Variants in LRRK1 observed in about 807,000 individuals in gnomAD.
The protein encoded by LRRK1 is leucine rich repeat kinase 1, also known as leucine-rich repeat serine/threonine-protein kinase 1.
LRRK1 carries 113 observed loss-of-function variants against 209.1 expected under a neutral mutation model. The observed-to-expected ratio is 0.54, with a 90% confidence interval of 0.46 to 0.63. LRRK1 has a LOEUF of 0.63. Ranked by LOEUF, LRRK1 falls within the 30% of genes least tolerant of loss-of-function variation. The probability of loss-of-function intolerance (pLI) is 0.00; values close to 1 mark genes in which losing one functional copy is unlikely to be tolerated. For synonymous variants in LRRK1, 1,144 were observed against 1,099.7 expected, an observed-to-expected ratio of 1.04 and a Z score of -0.80; for missense variants, 2,284 against 2,632.2, an observed-to-expected ratio of 0.87 and a Z score of 2.89.
Position 101,029,170 on chromosome 15 carries a change from G to A in LRRK1, c.2901G>A (p.Thr967=), listed in dbSNP as rs180728790. 101 of 1,614,138 alleles carry A rather than the reference G, an allele frequency of 6.3e-5. 1 individual carries two copies. The African/African-American group carries it at 1.1e-3, about 17-fold the overall frequency. The change falls in exon 20 of 34, where the codon ACG becomes ACA. Residue 967 remains threonine (T), a synonymous_variant. Transcript: ENST00000388948. ...LLVGTGFTQQ[T]EEQYFQFLAK... ...TGGGGACTGGCTTCACGCAGCAGAC[G>A]GAAGAGCAGTACTTCCAGTTCCTGG...
Position 101,056,936 on chromosome 15 carries a change from G to C in LRRK1, c.4413G>C (p.Gln1471His), listed in dbSNP as rs756290924. ...CTGCACTGGGCCACCACCAGCTCCA[G>C]ATTGCCAAGAAGCTGTCCAAGGGCA... ...QRPALGHHQL[Q>H]IAKKLSKGIR... The change falls in exon 28 of 34, where the codon CAG (glutamine) becomes CAC (histidine). Residue 1471 changes from glutamine (Q) to histidine (H), a missense_variant. By Grantham distance (24) the Gln-to-His change is conservative. Around this residue, in one of 6 missense-constraint regions of LRRK1, gnomAD observed 59 missense variants for 103.8 expected, o/e 0.57. Transcript: ENST00000388948. 1.2e-6 allele frequency: 2 copies of C among 1,614,070 alleles called. No individual in the cohort carries two copies. The highest frequency in any genetic ancestry group is 1.3e-5 in the African/African-American group (1 of 74,938).
rs751151726 is a variant in LRRK1 at position 101,055,154 on chromosome 15, C to T, written c.4263C>T (p.Ala1421=). 2.5e-6 allele frequency: 4 copies of T among 1,612,344 alleles called. No homozygotes were observed. In the Admixed American group the frequency reaches 5.0e-5, roughly 20 times the overall value. The part of the protein sequence containing the change: ...GISRQSFHEG[A]LGVEGTPGYQ... ...CGAGGCAGTCATTCCATGAGGGCGC[C>T]CTAGGCGTGGAGGGCACTCCTGGCT... The change falls in exon 27 of 34, where the codon GCC becomes GCT. Residue 1421 remains alanine, a synonymous_variant. Transcript: ENST00000388948.
Position 101,010,712 on chromosome 15 carries a change from G to T in LRRK1, c.1156G>T (p.Asp386Tyr). ...WIGLRKLQEL[D>Y]ISDNKLTELP... ...AGGTTTACGGAAGCTACAGGAACTT[G>T]ATATATCTGACAATAAATTGACAGA... Residue 386 changes from aspartate to tyrosine, a missense_variant, in exon 9 of 34, where the codon GAT becomes TAT. Around this residue, in one of 6 missense-constraint regions of LRRK1, gnomAD observed 494 missense variants for 522.1 expected, o/e 0.95. Transcript: ENST00000388948. The T allele has an allele frequency of 6.2e-7, 1 of 1,611,172 alleles. No homozygotes were observed. The highest frequency in any genetic ancestry group is 8.5e-7 in the Non-Finnish European group (1 of 1,179,230).
Position 101,015,452 on chromosome 15 carries a change from C to G in LRRK1, c.1609+50C>G, listed in dbSNP as rs758356902. 3.5e-6 allele frequency: 5 copies of G among 1,417,850 alleles called. No homozygotes were observed. The Admixed American group carries it at 9.2e-5, about 26-fold the overall frequency. 87.8% of individuals were successfully genotyped at this position (1,417,850 alleles called of 1,614,324 possible). ...TTCCCAGATGAGACAGCCGGGGTAG[C>G]CTGGTTCCTGCTCCACCAAAGTGGG... On this transcript the variant is annotated intron_variant, in intron 12 of 33. Transcript: ENST00000388948.
intron 6 of LRRK1, among the ~76,000 whole-genome samples, chr15:101,000,558 G>A (rs539011700): frequency 2.6e-5 from 4 of 152,248 alleles, no homozygotes; most frequent in African/African-American, 9.6e-5. Context: ...TGGAAGGGTC[G>A]GCTTCTCCTG....
At chr15:100,930,425 G>A (rs915965825) in intron 2 of LRRK1, among the ~76,000 whole-genome samples, 1 of 152,124 alleles carries the variant, frequency 6.6e-6, no homozygotes, top group African/African-American at 2.4e-5. Flanking sequence ...CCCTGCCGTG[G>A]ACCGGCTTTC....
intron 2 of LRRK1, among the ~76,000 whole-genome samples, chr15:100,943,645 G>T: frequency 1.4e-5 from 2 of 146,454 alleles, no homozygotes; most frequent in South Asian, 2.2e-4. Context: ...AATAAGTTTA[G>T]TTCCTCCTCA....
intron 27 of LRRK1, among the ~76,000 whole-genome samples, chr15:101,056,458 C>T (rs887480974): frequency 6.6e-6 from 1 of 151,744 alleles, no homozygotes; most frequent in African/African-American, 2.4e-5. Context: ...GGACAATGGG[C>T]AAATGGACAA....
chr15:101,018,555 G>A (rs1171084870), intron 12 of LRRK1, among the ~76,000 whole-genome samples: 4 of 152,158 alleles, frequency 2.6e-5, no homozygotes, highest in Admixed American at 2.0e-4. Flanking sequence ...CTGGGACCAC[G>A]GAGGAGTGTG....
chr15:101,008,805 C>T (rs2033101800), intron 6 of LRRK1, 32 bp from the exon 7 acceptor site: 1 of 1,533,412 alleles, frequency 6.5e-7, no homozygotes, highest in Non-Finnish European at 9.0e-7. Flanking sequence ...ACTCACCCTC[C>T]ACATGTGCTT....
In LRRK1 at chr15:100,971,188, G is replaced by A. The variant is rs188945542; in HGVS notation, c.98-2616G>A. Among the ~76,000 whole-genome samples, 457 of 152,158 alleles carry A rather than the reference G, an allele frequency of 3.0e-3. 2 individuals are homozygous for A. Among genetic ancestry groups the A allele is most frequent in the African/African-American group, 8.3e-3 (343 of 41,514 alleles). On this transcript the variant is annotated intron_variant, in intron 2 of 33. Coordinates refer to ENST00000388948, the MANE Select transcript of LRRK1 (RefSeq NM_024652.6). ...ATCTCTACTAAAAATACAAAAATTA[G>A]CTGGACTTGGTGGCGTGCACCTGTA...
At chr15:101,019,134 C>T (rs1482413389) in intron 12 of LRRK1, among the ~76,000 whole-genome samples, 1 of 152,180 alleles carries the variant, frequency 6.6e-6, no homozygotes, top group Non-Finnish European at 1.5e-5. Context: ...TCGTTTTCAA[C>T]ACTGGGCCAG....
At chr15:100,963,991 C>G (rs2030280328) in intron 2 of LRRK1, among the ~76,000 whole-genome samples, 1 of 152,196 alleles carries the variant, frequency 6.6e-6, no homozygotes, top group African/African-American at 2.4e-5. Context: ...CCATCCATCT[C>G]CCTCTTATTA....
intron 3 of LRRK1, among the ~76,000 whole-genome samples, chr15:100,978,823 T>G (rs1241980822): frequency 6.6e-6 from 1 of 152,142 alleles, no homozygotes; most frequent in Non-Finnish European, 1.5e-5. Context: ...ACCTAACATT[T>G]AAAGAATTAA....
chr15:100,989,219 T>G, intron 5 of LRRK1, 31 bp from the exon 6 acceptor site: 1 of 1,595,762 alleles, frequency 6.3e-7, no homozygotes, highest in South Asian at 1.1e-5. Flanking sequence ...AGCATCTGCA[T>G]GCCCTTAGCT....
At chr15:100,952,317 G>A (rs576275351) in intron 2 of LRRK1, among the ~76,000 whole-genome samples, 1 of 152,150 alleles carries the variant, frequency 6.6e-6, no homozygotes, top group Non-Finnish European at 1.5e-5. Flanking sequence ...TTTATGATAC[G>A]TGAATTATCT....
chr15:101,054,024 G>A (rs1374303652), intron 26 of LRRK1, among the ~76,000 whole-genome samples: 3 of 152,012 alleles, frequency 2.0e-5, no homozygotes, highest in Non-Finnish European at 4.4e-5. Flanking sequence ...TGTTGGCCAG[G>A]CTGGAGGACA....
At chr15:100,988,220 T>G (rs999846754) in intron 4 of LRRK1, among the ~76,000 whole-genome samples, 21 of 152,220 alleles carry the variant, frequency 1.4e-4, no homozygotes, top group African/African-American at 4.1e-4. Flanking sequence ...TTGCCGGGGT[T>G]CGGTATGCAG....
intron 11 of LRRK1, among the ~76,000 whole-genome samples, chr15:101,014,714 C>T (rs2033446433): frequency 6.6e-6 from 1 of 152,196 alleles, no homozygotes; most frequent in African/African-American, 2.4e-5. Flanking sequence ...GTGACCTAAT[C>T]TCCTCTTCTT....
Sources: gnomAD v4.1 joint callset for allele counts (sites outside exome capture counted in the v4.1 genomes callset) on GRCh38, gnomAD v4.1.1 for gene constraint, gnomAD v4.1.1 regional missense constraint, MANE v1.5 for transcripts, NCBI Gene and HGNC (gene_info 2026-07-23, HGNC 2026-07-21) for gene names.